Variants in PCDH15 observed in about 807,000 individuals in gnomAD.
PCDH15 encodes protocadherin related 15.
A neutral mutation model predicts 178.5 loss-of-function variants in PCDH15; 129 were observed. The observed-to-expected ratio is 0.72, with a 90% confidence interval of 0.63 to 0.84. The LOEUF (loss-of-function observed/expected upper bound fraction) is 0.84, where lower values mean the gene tolerates loss of function less well. Among genes scored for constraint, PCDH15 ranks in the 40% least tolerant of loss-of-function variants. The pLI, the probability that PCDH15 is intolerant of heterozygous loss-of-function variation, is 0.00. For synonymous variants in PCDH15, 800 were observed against 732.0 expected (o/e 1.09, Z -1.50); for missense variants, 2,230 against 2,099.9 (o/e 1.06, Z -1.21).
At chr10:54,291,117 A>G (rs766331327) in intron 8 of PCDH15, among the ~76,000 whole-genome samples, 21 of 152,188 alleles carry the variant, frequency 1.4e-4, no homozygotes, top group Non-Finnish European at 2.6e-4. Context: ...ATCACAACAA[A>G]TTGTCTCTCA....
Position 55,361,592 on chromosome 10 carries a change from T to C in PCDH15, c.-155-194941A>G, listed in dbSNP as rs561085869. On this transcript the variant is annotated intron_variant, in intron 2 of 5. Transcript: ENST00000613346. ...GATAAAGGAATTATTTGATAGTTGCTAATCATAGAAAATAGCCTCAAATAT... is the reference window on the plus strand; with the variant it reads ...GATAAAGGAATTATTTGATAGTTGCCAATCATAGAAAATAGCCTCAAATAT... 8.5e-5 allele frequency among the ~76,000 whole-genome samples: 13 copies of C among 152,164 alleles called. No individual in the cohort carries two copies. In the East Asian group the frequency reaches 2.5e-3, roughly 29 times the overall value.
intron 3 of PCDH15, among the ~76,000 whole-genome samples, chr10:54,806,679 T>G (rs2097310953): frequency 2.0e-5 from 3 of 151,948 alleles, no homozygotes; most frequent in Non-Finnish European, 4.4e-5. Flanking sequence ...ACAGACGAGG[T>G]TTCACCATGT....
At chr10:54,247,898 A>ATATC (rs2056125669) in intron 8 of PCDH15, among the ~76,000 whole-genome samples, 2 of 149,252 alleles carry the variant, frequency 1.3e-5, no homozygotes, top group African/African-American at 4.9e-5. Flanking sequence ...ATATATATAT[A>ATATC]TCTACATTGC....
chr10:55,469,112 A>G (rs1444922679), intron 2 of PCDH15: 1 of 152,118 alleles, frequency 6.6e-6, no homozygotes, highest in Non-Finnish European at 1.5e-5. Flanking sequence ...AACAGAAAAA[A>G]TATTAGGTGG....
intron 26 of PCDH15, among the ~76,000 whole-genome samples, chr10:53,878,402 C>T (rs1201062653): frequency 7.5e-6 from 1 of 133,640 alleles, no homozygotes; most frequent in Non-Finnish European, 1.6e-5. Flanking sequence ...ATATACTATA[C>T]TATGGCGTAC....
In PCDH15 at chr10:54,341,492, T is replaced by C. The variant is rs534033914; in HGVS notation, c.594+4873A>G. ...TGTGAGTCAGTTAAACCTCCTTTCT[T>C]TGTAAATTACACACTCTCAGGTAGT... On this transcript the variant is annotated intron_variant, in intron 6 of 37. Transcript: ENST00000644397. Among the ~76,000 whole-genome samples, 3 of 152,296 alleles carry C rather than the reference T, an allele frequency of 2.0e-5. No individual in the cohort carries two copies. In the South Asian group the frequency reaches 6.2e-4, roughly 32 times the overall value.
At chr10:55,005,636 T>A (rs1839910595) in intron 2 of PCDH15, among the ~76,000 whole-genome samples, 2 of 152,066 alleles carry the variant, frequency 1.3e-5, no homozygotes, top group South Asian at 4.1e-4. Flanking sequence ...GACTTCCACA[T>A]TTTTTTCCCT....
chr10:54,557,765 GA>G lies in PCDH15; in HGVS notation c.92-29889del, dbSNP rs1379208035. 9.2e-5 allele frequency among the ~76,000 whole-genome samples: 14 copies of G among 152,044 alleles called. No individual in the cohort carries two copies. The East Asian group carries it at 2.7e-3, about 29-fold the overall frequency. ...GTTCTTTCTGTTTTTATTTTATTAA[GA>G]AAATATGGGAAATTTTTTAAAAATT... is the stretch of plus-strand genomic sequence containing the variant. On this transcript the variant is annotated intron_variant, in intron 2 of 37. Transcript: ENST00000644397.
intron 8 of PCDH15, among the ~76,000 whole-genome samples, chr10:54,299,114 G>T (rs1345492445): frequency 6.6e-6 from 1 of 152,084 alleles, no homozygotes; most frequent in Non-Finnish European, 1.5e-5. Context: ...ATAAGCTGCT[G>T]ACAGAGGCAG....
intron 1 of PCDH15, among the ~76,000 whole-genome samples, chr10:55,258,915 A>G (rs956800682): frequency 2.0e-5 from 3 of 152,184 alleles, no homozygotes; most frequent in Admixed American, 2.0e-4. Context: ...TATAGCATCC[A>G]GACAATGAGA....
intron 2 of PCDH15, among the ~76,000 whole-genome samples, chr10:55,334,498 G>T (rs1302616164): frequency 6.7e-6 from 1 of 149,670 alleles, no homozygotes; most frequent in Non-Finnish European, 1.5e-5. Context: ...GTAAAGACAT[G>T]GCTTCTCCAT....
At chr10:54,016,093 A>G (rs1050347578) in intron 20 of PCDH15, among the ~76,000 whole-genome samples, 1 of 152,142 alleles carries the variant, frequency 6.6e-6, no homozygotes. Context: ...CCTCCCACTT[A>G]AAAAGTGGGC....
At chr10:54,828,064 T>C (rs1953159974) in intron 3 of PCDH15, among the ~76,000 whole-genome samples, 1 of 152,062 alleles carries the variant, frequency 6.6e-6, no homozygotes, top group African/African-American at 2.4e-5. Flanking sequence ...ATTTCATAAA[T>C]GCTGTGGCTT....
chr10:54,086,727 A>C (rs943411811), intron 16 of PCDH15, among the ~76,000 whole-genome samples: 3 of 152,192 alleles, frequency 2.0e-5, no homozygotes, highest in South Asian at 2.1e-4. Flanking sequence ...AAGAATGATC[A>C]TCAAAAGGGA....
At chr10:54,285,762 C>T (rs893790016) in intron 8 of PCDH15, among the ~76,000 whole-genome samples, 1 of 152,122 alleles carries the variant, frequency 6.6e-6, no homozygotes, top group Non-Finnish European at 1.5e-5. Flanking sequence ...TAGAGATATC[C>T]ACTTCCATGT....
chr10:53,941,059 G>C, intron 23 of PCDH15, 84 bp from the exon 24 acceptor site: 1 of 965,000 alleles, frequency 1.0e-6, no homozygotes, highest in African/African-American at 1.6e-5. Context: ...TTGAGAGAAA[G>C]ATAAGAGATT....
chr10:54,147,705 T>G (rs12243583), intron 14 of PCDH15, among the ~76,000 whole-genome samples: 2,347 of 151,988 alleles, frequency 0.015, 74 homozygotes, highest in African/African-American at 0.054. Context: ...TTAAAAGTCT[T>G]GAATATTAAA....
intron 2 of PCDH15, among the ~76,000 whole-genome samples, chr10:55,568,040 A>G (rs1025425404): frequency 6.6e-6 from 1 of 152,048 alleles, no homozygotes; most frequent in Admixed American, 6.6e-5. Flanking sequence ...ACATGAAATT[A>G]CCATATGATT....
At chr10:54,230,160 C>A (rs895352150) in intron 9 of PCDH15, among the ~76,000 whole-genome samples, 3 of 151,932 alleles carry the variant, frequency 2.0e-5, no homozygotes, top group Admixed American at 2.0e-4. Flanking sequence ...AGAACATTTT[C>A]TTTAAAAAAT....
Sources: allele counts gnomAD v4.1 joint callset (sites outside exome capture counted in the v4.1 genomes callset), GRCh38; gene constraint gnomAD v4.1.1; transcripts MANE v1.5; gene names NCBI Gene and HGNC (gene_info 2026-07-23, HGNC 2026-07-21).